The following RABEP1 variants were observed in gnomAD, a reference collection of about 807,000 sequenced individuals.
The protein encoded by RABEP1 is rab GTPase-binding effector protein 1.
A neutral mutation model predicts 123.4 loss-of-function variants in RABEP1; 51 were observed. The ratio of observed to expected loss-of-function variants is 0.41; its 90% confidence interval spans 0.33 to 0.52. The LOEUF (loss-of-function observed/expected upper bound fraction) is 0.52, where lower values mean the gene tolerates loss of function less well. RABEP1 is among the 20% of genes least tolerant of loss of function. RABEP1 has a pLI of 0.16. For missense variants in RABEP1, 888 were observed against 996.3 expected (o/e 0.89, Z 1.46); for synonymous variants, 347 against 355.2 (o/e 0.98, Z 0.26).
intron 2 of RABEP1, among the ~76,000 whole-genome samples, chr17:5,328,431 G>A (rs190903833): frequency 1.3e-5 from 2 of 149,762 alleles, no homozygotes; most frequent in Non-Finnish European, 3.0e-5. Context: ...GATCACTTGA[G>A]CCTAGGAGTT....
At chr17:5,343,447 G>A (rs1158460474) in intron 5 of RABEP1, among the ~76,000 whole-genome samples, 1 of 151,886 alleles carries the variant, frequency 6.6e-6, no homozygotes, top group Admixed American at 6.6e-5. Context: ...CCAGCTACTC[G>A]GGACGAGGCA....
Position 5,311,285 on chromosome 17 carries a change from A to C in RABEP1, c.163+2463A>C, listed in dbSNP as rs576547229. ...CATACTTTAAAAACTACTGGCCTAA[A>C]GTAACATCTTGTGCTTGGAACTCTT... On this transcript the variant is annotated intron_variant, in intron 2 of 17. Coordinates refer to ENST00000537505, the MANE Select transcript of RABEP1 (RefSeq NM_004703.6). Among the ~76,000 whole-genome samples the C allele has an allele frequency of 1.4e-4, 22 of 152,304 alleles. No individual in the cohort carries two copies. The East Asian group carries it at 3.7e-3, about 25-fold the overall frequency.
At chr17:5,360,743 C>G (rs1030492323) in intron 8 of RABEP1, among the ~76,000 whole-genome samples, 1 of 152,150 alleles carries the variant, frequency 6.6e-6, no homozygotes, top group Non-Finnish European at 1.5e-5. Context: ...GATAGTTACT[C>G]TCAAGTCTCT....
At chr17:5,364,764 T>C (rs1180949412) in intron 10 of RABEP1, among the ~76,000 whole-genome samples, 1 of 152,060 alleles carries the variant, frequency 6.6e-6, no homozygotes, top group Non-Finnish European at 1.5e-5. Context: ...ATTTAGAGTT[T>C]TAAGTAGGGA....
At chr17:5,302,325 T>G (rs1597335115) in intron 1 of RABEP1, among the ~76,000 whole-genome samples, 1 of 145,680 alleles carries the variant, frequency 6.9e-6, no homozygotes, top group African/African-American at 2.6e-5. Flanking sequence ...ACTGCAGCCT[T>G]GTCCTCCCCA....
chr17:5,336,425 A>C, intron 4 of RABEP1: 1 of 462,600 alleles, frequency 2.2e-6, no homozygotes, highest in South Asian at 1.6e-5. Context: ...TTATTAACTG[A>C]AGTCCATTTT....
intron 8 of RABEP1, 98 bp downstream of exon 8, chr17:5,354,588 G>GA (rs1416362734): frequency 1.1e-5 from 12 of 1,131,462 alleles, no homozygotes; most frequent in Non-Finnish European, 1.5e-5. Flanking sequence ...TGAGAAGTGA[G>GA]AAGTGCATAG....
rs554674951 is a variant in RABEP1, at chr17:5,320,330, A to G, written c.163+11508A>G. Among the ~76,000 whole-genome samples, 4 of 151,326 alleles carry G rather than the reference A, an allele frequency of 2.6e-5. No homozygotes were observed. In the East Asian group the frequency reaches 7.8e-4, roughly 29 times the overall value. On this transcript the variant is annotated intron_variant, in intron 2 of 17. Transcript: ENST00000537505. ...GAGAGATACATTCTTTCCCAGACAG[A>G]AGTTTGAGAGAATTGACCACTACCA...
chr17:5,347,580 G>A (rs1431196636), intron 6 of RABEP1, among the ~76,000 whole-genome samples: 1 of 152,200 alleles, frequency 6.6e-6, no homozygotes, highest in Non-Finnish European at 1.5e-5. Context: ...AGAGGGCAGA[G>A]AGTGTATTCT....
At chr17:5,311,676 G>A (rs1299468876) in intron 2 of RABEP1, among the ~76,000 whole-genome samples, 1 of 143,040 alleles carries the variant, frequency 7.0e-6, no homozygotes, top group Non-Finnish European at 1.5e-5. Context: ...ATCCAGCCTG[G>A]GTGACAGAGC....
chr17:5,348,351 A>C (rs574242111), intron 6 of RABEP1, among the ~76,000 whole-genome samples: 8 of 152,322 alleles, frequency 5.3e-5, no homozygotes, highest in African/African-American at 1.7e-4. Flanking sequence ...TCAGGTAGTC[A>C]GAGAGAAGCA....
intron 1 of RABEP1, among the ~76,000 whole-genome samples, chr17:5,304,066 T>A (rs932039554): frequency 3.3e-5 from 5 of 152,040 alleles, no homozygotes; most frequent in Non-Finnish European, 7.4e-5. Flanking sequence ...ATTTATTATA[T>A]TGTTTTACTT....
intron 1 of RABEP1, among the ~76,000 whole-genome samples, chr17:5,290,594 ATT>A (rs2075023839): frequency 6.6e-6 from 1 of 151,992 alleles, no homozygotes; most frequent in Non-Finnish European, 1.5e-5. Context: ...AAATAATAAT[ATT>A]TATTATTATT....
chr17:5,368,811 C>T (rs1460464933), intron 12 of RABEP1, among the ~76,000 whole-genome samples: 2 of 152,136 alleles, frequency 1.3e-5, no homozygotes, highest in Non-Finnish European at 2.9e-5. Context: ...CAGCTTTTGA[C>T]CAGTCATTTT....
At chr17:5,382,008 A>G (rs971119766) in intron 17 of RABEP1, among the ~76,000 whole-genome samples, 4 of 152,014 alleles carry the variant, frequency 2.6e-5, no homozygotes, top group Admixed American at 6.5e-5. Context: ...CGGGCACTCT[A>G]TGAATGCCTG....
intron 15 of RABEP1, among the ~76,000 whole-genome samples, chr17:5,378,963 C>T (rs1911223862): frequency 6.6e-6 from 1 of 152,178 alleles, no homozygotes; most frequent in African/African-American, 2.4e-5. Context: ...GCTGCCCTCA[C>T]CTGACCACTG....
chr17:5,314,736 T>G (rs1445577443), intron 2 of RABEP1, among the ~76,000 whole-genome samples: 1 of 152,202 alleles, frequency 6.6e-6, no homozygotes, highest in Non-Finnish European at 1.5e-5. Flanking sequence ...GCCATGATGG[T>G]CTCGATCTCC....
chr17:5,298,364 G>C lies in RABEP1; in HGVS notation c.35-10330G>C, dbSNP rs572411722. ...ACGGTATAATTAAATATGGTTCTAA[G>C]AGGTGTTTTTTGTTGCATTAGGCTT... is the stretch of plus-strand genomic sequence containing the variant. On this transcript the variant is annotated intron_variant, in intron 1 of 17. Transcript: ENST00000537505. Among the ~76,000 whole-genome samples, 8 of 152,260 alleles carry C rather than the reference G, an allele frequency of 5.3e-5. No homozygotes were observed. In the South Asian group the frequency reaches 1.7e-3, roughly 32 times the overall value.
intron 8 of RABEP1, 55 bp from the exon 9 acceptor site, chr17:5,361,153 T>C (rs1909493207): frequency 6.8e-7 from 1 of 1,462,022 alleles, no homozygotes; most frequent in Non-Finnish European, 9.4e-7. Flanking sequence ...ATAGTTTTTG[T>C]CTTTAAAAAC....
Sources: allele counts gnomAD v4.1 joint callset (sites outside exome capture counted in the v4.1 genomes callset), GRCh38; gene constraint gnomAD v4.1.1; transcripts MANE v1.5; gene names NCBI Gene and HGNC (gene_info 2026-07-23, HGNC 2026-07-21).